The following CSMD3 variants were observed in gnomAD, a reference collection of about 807,000 sequenced individuals.
CSMD3 encodes CUB and Sushi multiple domains 3, also known as CUB and sushi domain-containing protein 3.
CSMD3 carries 177 observed loss-of-function variants against 435.2 expected under a neutral mutation model. The ratio of observed to expected loss-of-function variants is 0.41; its 90% CI spans 0.36 to 0.46. The LOEUF is 0.46. Among genes scored for constraint, CSMD3 ranks in the 20% least tolerant of loss-of-function variants. The pLI is 0.34. For synonymous variants in CSMD3, 1,656 were observed against 1,520.5 expected, an observed-to-expected ratio of 1.09 and a Z score of -2.07; for missense variants, 4,265 against 4,504.6, an observed-to-expected ratio of 0.95 and a Z score of 1.52.
intron 36 of CSMD3, among the ~76,000 whole-genome samples, chr8:112,385,050 G>A (rs1266446461): frequency 6.6e-5 from 10 of 152,162 alleles, no homozygotes; most frequent in Non-Finnish European, 1.0e-4. Context: ...TGGACCATGA[G>A]TAATCTTCTT....
chr8:112,963,236 G>C (rs7007990), intron 7 of CSMD3, among the ~76,000 whole-genome samples: 103,500 of 151,832 alleles, frequency 0.68, 37,100 homozygotes, highest in East Asian at 0.95. Flanking sequence ...TCCCAACAAC[G>C]TGGGAATCGT....
At chr8:112,310,944 A>G in intron 50 of CSMD3, 34 bp downstream of exon 50, 4 of 1,569,332 alleles carry the variant, frequency 2.5e-6, no homozygotes, top group Non-Finnish European at 3.5e-6. Flanking sequence ...TCTCACATTC[A>G]TGTTTTTGTT....
At chr8:113,138,121 T>C (rs2091460338) in intron 4 of CSMD3, among the ~76,000 whole-genome samples, 1 of 151,466 alleles carries the variant, frequency 6.6e-6, no homozygotes, top group Non-Finnish European at 1.5e-5. Flanking sequence ...TGATTCTACC[T>C]AAAACCACAC....
At chr8:113,041,205 T>TAA (rs1311041503) in intron 5 of CSMD3, among the ~76,000 whole-genome samples, 4 of 74,666 alleles carry the variant, frequency 5.4e-5, no homozygotes, top group Non-Finnish European at 9.3e-5. Context: ...GACTCCGTCT[T>TAA]AAAAAAAAAA....
intron 44 of CSMD3, among the ~76,000 whole-genome samples, 184 bp downstream of exon 44, chr8:112,336,468 T>C (rs1167347525): frequency 6.6e-6 from 1 of 152,158 alleles, no homozygotes; most frequent in Non-Finnish European, 1.5e-5. Context: ...ATGGGGCAAA[T>C]AAGCCAAAAC....
At position 112,908,340 on chromosome 8, in the gene CSMD3, A is replaced by T. The variant is rs184996420; in HGVS notation, c.1633+13287T>A. Among the ~76,000 whole-genome samples, 207 of 151,594 alleles carry T rather than the reference A, an allele frequency of 1.4e-3. 1 individual carries two copies. The highest frequency in any genetic ancestry group is 4.7e-3 in the African/African-American group (196 of 41,498). ...TATATTACAACTTCAGTTTCCTTAA[A>T]TGTCTTTCTTTAAATAAGTTCTTTA... On this transcript the variant is annotated intron_variant, in intron 10 of 70. Transcript: ENST00000297405.
intron 12 of CSMD3, among the ~76,000 whole-genome samples, chr8:112,819,645 T>C (rs1038065887): frequency 1.1e-4 from 16 of 152,208 alleles, no homozygotes; most frequent in Admixed American, 6.6e-5. Flanking sequence ...AGAAGTATAA[T>C]TTTGTTTCTG....
At chr8:113,143,395 T>C (rs890908694) in intron 4 of CSMD3, among the ~76,000 whole-genome samples, 1 of 151,412 alleles carries the variant, frequency 6.6e-6, no homozygotes. Context: ...GTACAGGCAC[T>C]CTAGAAGACA....
At chr8:113,300,710 A>G (rs1263640582) in intron 2 of CSMD3, among the ~76,000 whole-genome samples, 3 of 152,104 alleles carry the variant, frequency 2.0e-5, no homozygotes, top group African/African-American at 7.2e-5. Flanking sequence ...GGGTGGGAAT[A>G]TAGGCTGAAA....
chr8:112,332,308 G>A (rs538222085), intron 45 of CSMD3, among the ~76,000 whole-genome samples: 104 of 152,198 alleles, frequency 6.8e-4, no homozygotes, highest in African/African-American at 2.2e-3. Flanking sequence ...TCAAGAAGTG[G>A]AGGAAATGGG....
chr8:112,808,262 A>G (rs2079140033), intron 12 of CSMD3, among the ~76,000 whole-genome samples: 1 of 152,162 alleles, frequency 6.6e-6, no homozygotes, highest in African/African-American at 2.4e-5. Context: ...TGAATGTGCA[A>G]GCCCGGTAAA....
chr8:112,876,725 C>T (rs181576265), intron 10 of CSMD3, among the ~76,000 whole-genome samples: 57 of 152,206 alleles, frequency 3.7e-4, no homozygotes, highest in Middle Eastern at 3.4e-3. Context: ...TCTCACTACT[C>T]GTATTCAACA....
intron 3 of CSMD3, among the ~76,000 whole-genome samples, chr8:113,210,003 GGTGTGTGTGTGTGTGTGT>G (rs3048831): frequency 1.7e-4 from 23 of 138,956 alleles, no homozygotes; most frequent in Admixed American, 5.8e-4. Context: ...TCTCCTAAAA[GGTGTGTGTGTGTGTGTGT>G]GTGTGTGTGT....
intron 17 of CSMD3, among the ~76,000 whole-genome samples, chr8:112,661,019 C>T (rs2075367334): frequency 6.6e-6 from 1 of 152,066 alleles, no homozygotes; most frequent in South Asian, 2.1e-4. Flanking sequence ...TCACCCAAGG[C>T]CTATTCTGAT....
At chr8:113,384,418 A>T (rs2094430935) in intron 1 of CSMD3, among the ~76,000 whole-genome samples, 2 of 152,128 alleles carry the variant, frequency 1.3e-5, no homozygotes, top group African/African-American at 2.4e-5. Flanking sequence ...CAAAAAACAT[A>T]CTAAGTGTTT....
chr8:112,569,664 G>A (rs1292786459), intron 24 of CSMD3, among the ~76,000 whole-genome samples: 1 of 152,106 alleles, frequency 6.6e-6, no homozygotes, highest in African/African-American at 2.4e-5. Flanking sequence ...TCATTAAATA[G>A]GGCAGGTATC....
chr8:113,388,569 C>T (rs796490638), intron 1 of CSMD3, among the ~76,000 whole-genome samples: 17 of 151,590 alleles, frequency 1.1e-4, no homozygotes, highest in African/African-American at 3.9e-4. Flanking sequence ...ATTAAACCAA[C>T]GTCTGGCACT....
At chr8:113,332,264 T>C (rs774397812) in intron 1 of CSMD3, among the ~76,000 whole-genome samples, 5 of 148,784 alleles carry the variant, frequency 3.4e-5, no homozygotes, top group Non-Finnish European at 4.5e-5. Flanking sequence ...ATGGTGCCTA[T>C]CCAATTTGTC....
intron 13 of CSMD3, among the ~76,000 whole-genome samples, chr8:112,722,702 T>C (rs1056530686): frequency 8.5e-5 from 13 of 152,294 alleles, no homozygotes; most frequent in African/African-American, 3.1e-4. Context: ...ATTCTTTCAG[T>C]GTTTCTGAAG....
Sources: allele counts gnomAD v4.1 joint callset (sites outside exome capture counted in the v4.1 genomes callset), GRCh38; gene constraint gnomAD v4.1.1; transcripts MANE v1.5; gene names NCBI Gene and HGNC (gene_info 2026-07-23, HGNC 2026-07-21).